The following CLEC16A variants were observed in gnomAD, a reference collection of about 807,000 sequenced individuals.
CLEC16A encodes C-type lectin domain containing 16A.
CLEC16A carries 51 observed loss-of-function variants against 109.5 expected under a neutral mutation model. The observed-to-expected ratio is 0.47, with a 90% CI of 0.37 to 0.59. CLEC16A has a LOEUF of 0.59. Ranked by LOEUF, CLEC16A falls within the 20% of genes least tolerant of loss-of-function variation. The pLI is 0.00. For missense variants in CLEC16A, 1,339 were observed against 1,394.0 expected, an observed-to-expected ratio of 0.96 and a Z score of 0.63; for synonymous variants, 673 against 564.2, an observed-to-expected ratio of 1.19 and a Z score of -2.73.
At chr16:11,106,371 C>G (rs2051219107) in intron 19 of CLEC16A, among the ~76,000 whole-genome samples, 1 of 151,838 alleles carries the variant, frequency 6.6e-6, no homozygotes, top group Non-Finnish European at 1.5e-5. Flanking sequence ...TCACTGCAGC[C>G]TCGAACTCCT....
At chr16:11,167,865 C>G (rs898668895) in intron 23 of CLEC16A, among the ~76,000 whole-genome samples, 19 of 152,204 alleles carry the variant, frequency 1.2e-4, no homozygotes, top group Admixed American at 1.2e-3. Context: ...GAAACTCCAG[C>G]AGAGCTTCTT....
intron 22 of CLEC16A, among the ~76,000 whole-genome samples, chr16:11,128,700 G>C (rs1320425164): frequency 6.6e-6 from 1 of 152,136 alleles, no homozygotes; most frequent in African/African-American, 2.4e-5. Context: ...AGCATAGGCT[G>C]CCCCCACCCC....
chr16:10,972,684 A>G lies in CLEC16A; in HGVS notation c.604+125A>G, dbSNP rs1050091912. On this transcript the variant is annotated intron_variant, in intron 6 of 23. Coordinates refer to ENST00000409790, the MANE Select transcript of CLEC16A (RefSeq NM_015226.3). ...CTGCTACTGATAAGTAGGCTCTCCCATGCACCATTAATGTTTAGCCCAACT... is the reference window on the plus strand; with the variant it reads ...CTGCTACTGATAAGTAGGCTCTCCCGTGCACCATTAATGTTTAGCCCAACT... 3.6e-5 allele frequency: 33 copies of G among 919,738 alleles called. No individual in the cohort carries two copies. In the Middle Eastern group the frequency reaches 8.5e-4, roughly 24 times the overall value. 57.0% of individuals were successfully genotyped at this position (919,738 alleles called of 1,614,324 possible). A position where few individuals can be genotyped will look rare whatever the true frequency, so the allele number is the denominator to read the frequency against.
chr16:11,100,886 T>G lies in CLEC16A; in HGVS notation c.2117-19729T>G, dbSNP rs566914500. ...GTCTGTAACGGGTTGAATATACCTT[T>G]CCATTGTGCTGGTACAGTTTATACT... On this transcript the variant is annotated intron_variant, in intron 19 of 23. Transcript: ENST00000409790. Among the ~76,000 whole-genome samples the G allele has an allele frequency of 5.9e-5, 9 of 152,348 alleles. No homozygotes were observed. The East Asian group carries it at 7.7e-4, about 13-fold the overall frequency.
intron 22 of CLEC16A, 107 bp downstream of exon 22, chr16:11,126,253 C>T: frequency 6.4e-7 from 1 of 1,563,894 alleles, no homozygotes; most frequent in Non-Finnish European, 8.7e-7. Context: ...CTCAGAAGCC[C>T]CGTCGGCTGG....
At chr16:10,972,635 ATTC>A in intron 6 of CLEC16A, 76 bp downstream of exon 6, 1 of 1,365,518 alleles carries the variant, frequency 7.3e-7, no homozygotes, top group Non-Finnish European at 1.0e-6. Context: ...GAATGGTGTA[ATTC>A]TCAGTGTAGT....
At chr16:10,957,983 C>T in intron 2 of CLEC16A, 73 bp downstream of exon 2, 1 of 1,439,768 alleles carries the variant, frequency 6.9e-7, no homozygotes, top group Middle Eastern at 1.8e-4. Flanking sequence ...TACTATGAGT[C>T]ATTCTGGATG....
chr16:11,035,487 A>G (rs1216044971), intron 13 of CLEC16A, among the ~76,000 whole-genome samples: 1 of 151,988 alleles, frequency 6.6e-6, no homozygotes, highest in African/African-American at 2.4e-5. Flanking sequence ...ACCAGCGGGG[A>G]TCATGGTACA....
chr16:11,147,138 G>A (rs1313028439), intron 22 of CLEC16A, among the ~76,000 whole-genome samples: 1 of 152,130 alleles, frequency 6.6e-6, no homozygotes, highest in Non-Finnish European at 1.5e-5. Flanking sequence ...CAGCCCACAG[G>A]CTGCCCAATC....
At chr16:11,065,692 G>T (rs576155637) in intron 19 of CLEC16A, among the ~76,000 whole-genome samples, 2 of 152,370 alleles carry the variant, frequency 1.3e-5, no homozygotes, top group South Asian at 4.1e-4. Flanking sequence ...AATCCTCATG[G>T]GCTGGTTAGG....
intron 23 of CLEC16A, among the ~76,000 whole-genome samples, chr16:11,167,172 A>G (rs962488880): frequency 1.1e-4 from 17 of 152,264 alleles, no homozygotes; most frequent in Non-Finnish European, 1.8e-4. Context: ...GCCGTGAGCT[A>G]TTCGCTGTGT....
intron 1 of CLEC16A, among the ~76,000 whole-genome samples, chr16:10,948,589 G>A (rs1042286355): frequency 1.3e-5 from 2 of 152,200 alleles, no homozygotes; most frequent in Non-Finnish European, 1.5e-5. Context: ...GTCTGCGGCT[G>A]GTAGAAATTG....
chr16:11,000,410 C>G (rs1316933073), intron 10 of CLEC16A, among the ~76,000 whole-genome samples: 1 of 152,164 alleles, frequency 6.6e-6, no homozygotes, highest in East Asian at 1.9e-4. Context: ...ACGTTTTGCC[C>G]TGCGCTTGGT....
chr16:11,099,266 A>G lies in CLEC16A; in HGVS notation c.2117-21349A>G, dbSNP rs549269213. On this transcript the variant is annotated intron_variant, in intron 19 of 23. Coordinates refer to ENST00000409790, the MANE Select transcript of CLEC16A (RefSeq NM_015226.3). ...GCAGAGCTGTTTCCCACGGTCCCAC[A>G]CAGTGGACAGGGTCTCGTTTTCTTC... is the stretch of plus-strand genomic sequence containing the variant. Among the ~76,000 whole-genome samples, 13 of 152,320 alleles carry G rather than the reference A, an allele frequency of 8.5e-5. No homozygotes were observed. In the East Asian group the frequency reaches 1.7e-3, roughly 20 times the overall value.
chr16:11,024,963 C>T (rs1480073334), intron 13 of CLEC16A, 42 bp downstream of exon 13: 2 of 1,350,460 alleles, frequency 1.5e-6, no homozygotes, highest in East Asian at 2.4e-5. Flanking sequence ...CTGGGCCCTG[C>T]ATACCCATAG....
At position 10,961,001 on chromosome 16, in the gene CLEC16A, C is replaced by G. The variant is rs1052472109; in HGVS notation, c.210-1454C>G. Among the ~76,000 whole-genome samples, 5 of 152,132 alleles carry G rather than the reference C, an allele frequency of 3.3e-5. No individual in the cohort carries two copies. The highest frequency in any genetic ancestry group is 6.5e-5 in the Admixed American group (1 of 15,268). The stretch of plus-strand genomic sequence containing the variant: ...TTTTCCCAATGAATTGCCCACTCCC[C>G]TATGGAGTTTTAAAAAATCTAGGTT... On this transcript the variant is annotated intron_variant, in intron 2 of 23. Coordinates refer to ENST00000409790, the MANE Select transcript of CLEC16A (RefSeq NM_015226.3). This position sits in a 1 kb window ranked among gnomAD's most constrained non-coding sequence, Gnocchi z 4.3.
At chr16:10,968,796 C>T (rs2042638817) in intron 3 of CLEC16A, among the ~76,000 whole-genome samples, 1 of 152,282 alleles carries the variant, frequency 6.6e-6, no homozygotes, top group African/African-American at 2.4e-5. Flanking sequence ...AAGGGGGCAG[C>T]TTTTTACCCT....
intron 22 of CLEC16A, among the ~76,000 whole-genome samples, chr16:11,158,018 TC>T (rs2054595715): frequency 6.6e-6 from 1 of 152,082 alleles, no homozygotes; most frequent in African/African-American, 2.4e-5. Context: ...GCAGCTGAAG[TC>T]CCAGACTTAG....
chr16:10,957,494 G>A (rs1288918939), intron 1 of CLEC16A, among the ~76,000 whole-genome samples: 1 of 152,230 alleles, frequency 6.6e-6, no homozygotes, highest in Non-Finnish European at 1.5e-5. Context: ...ACTTGATTCA[G>A]TTCTCCGGGT....
Sources: gnomAD v4.1 joint callset for allele counts (sites outside exome capture counted in the v4.1 genomes callset) on GRCh38, gnomAD v4.1.1 for gene constraint, Gnocchi (gnomAD v3.1) non-coding constraint, MANE v1.5 for transcripts, NCBI Gene and HGNC (gene_info 2026-07-23, HGNC 2026-07-21) for gene names.